The following CLCN7 variants were observed in gnomAD, a reference collection of about 807,000 sequenced individuals.
The protein encoded by CLCN7 is Cl-/H+ antiporter 7, also known as H(+)/Cl(-) exchange transporter 7.
A neutral mutation model predicts 102.1 loss-of-function variants in CLCN7; 60 were observed. The ratio of observed to expected loss-of-function variants is 0.59; its 90% CI spans 0.48 to 0.73. CLCN7 has a LOEUF of 0.73. Ranked by LOEUF, CLCN7 falls within the 30% of genes least tolerant of loss-of-function variation. CLCN7 has a pLI of 0.00. For synonymous variants in CLCN7, 560 were observed against 490.5 expected, an observed-to-expected ratio of 1.14 and a Z score of -1.87; for missense variants, 962 against 1,125.7, an observed-to-expected ratio of 0.85 and a Z score of 2.08.
At chr16:1,461,570 G>C in intron 3 of CLCN7, 33 bp downstream of exon 3, 1 of 1,612,088 alleles carries the variant, frequency 6.2e-7, no homozygotes. Context: ...CAGAGGCCGG[G>C]TCTCAGGGTC....
In CLCN7 at chr16:1,455,126, C is replaced by A; in HGVS notation, c.1098+8G>T. The A allele has an allele frequency of 1.3e-6, 2 of 1,519,082 alleles. No homozygotes were observed. The highest frequency in any genetic ancestry group is 2.3e-5 in the East Asian group (1 of 44,398). The allele number at this position is 1,519,082 out of a possible 1,614,324, so 94.1% of individuals were successfully genotyped here. A position where few individuals can be genotyped will look rare whatever the true frequency, so the allele number is the denominator to read the frequency against. ...GAGGTGGGCGAGGTGGGCGATGGGG[C>A]AGGTTACCTCCGAGTCAAACCTTCC... On this transcript the variant is annotated splice_region_variant and intron_variant, in intron 12 of 24. Transcript: ENST00000382745.
chr16:1,459,553 G>A (rs2038899470), intron 6 of CLCN7: 1 of 187,776 alleles, frequency 5.3e-6, no homozygotes, highest in Non-Finnish European at 1.0e-5. Context: ...CCCCAGGGAA[G>A]GGGAGAGCAG....
chr16:1,473,474 A>G (rs377197424), intron 1 of CLCN7, among the ~76,000 whole-genome samples: 2 of 126,094 alleles, frequency 1.6e-5, no homozygotes, highest in Non-Finnish European at 3.6e-5. Flanking sequence ...CCCGGGTTCA[A>G]TTGATTCTCC....
In CLCN7 at chr16:1,459,071, G is replaced by A. The variant is rs529263208; in HGVS notation, c.675+36C>T. The A allele has an allele frequency of 6.3e-5, 98 of 1,560,192 alleles. 1 individual carries two copies. The highest frequency in any genetic ancestry group is 5.2e-4 in the South Asian group (46 of 88,268). On this transcript the variant is annotated intron_variant, in intron 7 of 24. Coordinates refer to ENST00000382745, the MANE Select transcript of CLCN7 (RefSeq NM_001287.6). ...GCTCCTGAACCAGCAAAGAGCGGGC[G>A]CCCACCCTGCCCAGCCAGGGCCACC...
chr16:1,452,600 G>A, intron 15 of CLCN7, 155 bp downstream of exon 15: 1 of 769,604 alleles, frequency 1.3e-6, no homozygotes, highest in Admixed American at 2.7e-5. Context: ...TGAGATCTGG[G>A]TGGACAGGAC....
intron 1 of CLCN7, chr16:1,471,832 G>A (rs1451678193): frequency 6.6e-6 from 1 of 152,328 alleles, no homozygotes; most frequent in Non-Finnish European, 1.5e-5. Flanking sequence ...TGCAGGGGAA[G>A]GCTGGGGCCC....
rs751274789 is a variant in CLCN7, at chr16:1,460,502, G to A, written c.510C>T (p.Gly170=). The change falls in exon 6 of 25, where the codon GGC becomes GGT. Residue 170 remains glycine, a synonymous_variant. Coordinates refer to ENST00000382745, the MANE Select transcript of CLCN7 (RefSeq NM_001287.6). ...KGNIDKFTEK[G]GLSFSLLLWA... The stretch of plus-strand genomic sequence containing the variant: ...ACAGCAACAGGGAGAAGGACAGTCC[G>A]CCCTTCTCTGTGAACTTGTCGATAT... 3.8e-5 allele frequency: 62 copies of A among 1,613,338 alleles called. No homozygotes were observed. The highest frequency in any genetic ancestry group is 5.0e-5 in the Non-Finnish European group (59 of 1,179,808).
At position 1,465,310 on chromosome 16, in the gene CLCN7, C is replaced by A. The variant is rs2038990113; in HGVS notation, c.170G>T (p.Gly57Val). 4 of 1,613,860 alleles carry A rather than the reference C, an allele frequency of 2.5e-6. No individual in the cohort carries two copies. Among genetic ancestry groups the A allele is most frequent in the South Asian group, 1.1e-5 (1 of 91,022 alleles). ...ATCCAGCTCCACGCTGCTCATATGT[C>A]CGACTCGGAAAAGCGCAGAACGTGG... is the stretch of plus-strand genomic sequence containing the variant. ...QSPRSALFRV[G>V]HMSSVELDDE... is the part of the protein sequence containing the mutation. Residue 57 changes from glycine (G) to valine (V), a missense_variant, in exon 2 of 25, where the codon GGA becomes GTA. Gly to Val is a moderately radical substitution (Grantham distance 109). This residue lies in a region of CLCN7 where 163 missense variants were observed against 137.7 expected (regional missense o/e 1.18). Coordinates refer to ENST00000382745, the MANE Select transcript of CLCN7 (RefSeq NM_001287.6).
At chr16:1,451,794 G>C (rs1358196386) in intron 15 of CLCN7, 78 bp from the exon 16 acceptor site, 2 of 1,168,706 alleles carry the variant, frequency 1.7e-6, no homozygotes, top group African/African-American at 1.5e-5. Context: ...GTGTCGCCGT[G>C]AGAGGCCGTG....
chr16:1,456,451 C>T (rs916637219), intron 9 of CLCN7, among the ~76,000 whole-genome samples: 11 of 152,218 alleles, frequency 7.2e-5, no homozygotes, highest in South Asian at 2.1e-4. Flanking sequence ...TTCCAGCGCA[C>T]GCAAGATTCC....
intron 11 of CLCN7, chr16:1,455,461 G>A (rs555704552): frequency 1.4e-5 from 9 of 648,506 alleles, no homozygotes; most frequent in Non-Finnish European, 1.9e-5. Context: ...CCAGTGGAGA[G>A]CAAGAGGGGA....
chr16:1,469,438 C>G (rs552633721), intron 1 of CLCN7, among the ~76,000 whole-genome samples: 2 of 152,232 alleles, frequency 1.3e-5, no homozygotes, highest in South Asian at 4.1e-4. Context: ...GTCATCCCAG[C>G]ACTTTGGGAG....
At chr16:1,447,598 C>T in intron 22 of CLCN7, 30 bp from the exon 23 acceptor site, 1 of 1,552,334 alleles carries the variant, frequency 6.4e-7, no homozygotes. Context: ...GTGTCAGGCA[C>T]CCAGGCAGCA....
intron 20 of CLCN7, 70 bp from the exon 21 acceptor site, chr16:1,448,554 G>GT (rs1409726370): frequency 6.2e-7 from 1 of 1,602,010 alleles, no homozygotes; most frequent in Non-Finnish European, 8.5e-7. Flanking sequence ...CTGCGGGCTG[G>GT]TGAGGTGTGA....
In CLCN7 at chr16:1,450,888, G is replaced by A. The variant is rs1209737619; in HGVS notation, c.1448-222C>T. Among the ~76,000 whole-genome samples the A allele has an allele frequency of 4.8e-5, 6 of 125,052 alleles. 1 individual carries two copies. The highest frequency in any genetic ancestry group is 7.9e-3 in the Middle Eastern group (2 of 252). 82.0% of individuals were successfully genotyped at this position (125,052 alleles called of 152,430 possible). A position where few individuals can be genotyped will look rare whatever the true frequency, so the allele number is the denominator to read the frequency against. The stretch of plus-strand genomic sequence containing the variant: ...GAGGCCACAGGGGAAGAGGCTCTGC[G>A]GGGCCCTGATGCCAGCAGAAGCAGG... On this transcript the variant is annotated intron_variant, in intron 16 of 24. Coordinates refer to ENST00000382745, the MANE Select transcript of CLCN7 (RefSeq NM_001287.6).
intron 17 of CLCN7, 164 bp from the exon 18 acceptor site, chr16:1,449,491 C>T (rs1300119634): frequency 4.6e-6 from 3 of 654,508 alleles, no homozygotes; most frequent in African/African-American, 3.6e-5. Flanking sequence ...GTACACCCTG[C>T]TGCGGAGGCT....
Position 1,460,400 on chromosome 16 carries a change from C to G in CLCN7, c.594+18G>C, listed in dbSNP as rs749696607. 2 of 1,579,230 alleles carry G rather than the reference C, an allele frequency of 1.3e-6. No homozygotes were observed. The highest frequency in any genetic ancestry group is 1.7e-6 in the Non-Finnish European group (2 of 1,149,282). ...TCCTTCATGGGGTCCGCCATAGCTGCGGCATCCTGCCACCCACCTCTATGA... is the reference window on the plus strand; with the variant it reads ...TCCTTCATGGGGTCCGCCATAGCTGGGGCATCCTGCCACCCACCTCTATGA... On this transcript the variant is annotated intron_variant, in intron 6 of 24. Coordinates refer to ENST00000382745, the MANE Select transcript of CLCN7 (RefSeq NM_001287.6).
intron 10 of CLCN7, 47 bp from the exon 11 acceptor site, chr16:1,455,842 C>G: frequency 2.5e-6 from 4 of 1,594,172 alleles, no homozygotes; most frequent in Non-Finnish European, 3.4e-6. Context: ...CACAGGGCAC[C>G]ATGCCCACCA....
chr16:1,450,562 G>C lies in CLCN7; in HGVS notation c.1552C>G (p.Leu518Val). 1 of 1,612,146 alleles carries C rather than the reference G, an allele frequency of 6.2e-7. No individual in the cohort carries two copies. The highest frequency in any genetic ancestry group is 8.5e-7 in the Non-Finnish European group (1 of 1,179,668). Reference sequence around the variant, plus strand: ...CGGCCCCAGGCAGCCCCGATGAGCAGGGACGGGATGAAGACCCCGGCAGAC... The same window carrying C: ...CGGCCCCAGGCAGCCCCGATGAGCACGGACGGGATGAAGACCCCGGCAGAC... ...TVSAGVFIPSLLIGAAWGRLF... is the reference protein window; with the variant it reads ...TVSAGVFIPSVLIGAAWGRLF... Residue 518 changes from leucine to valine, a missense_variant, in exon 17 of 25, where the codon CTG (leucine) becomes GTG (valine). Transcript: ENST00000382745.
Sources: gnomAD v4.1 joint callset for allele counts (sites outside exome capture counted in the v4.1 genomes callset) on GRCh38, gnomAD v4.1.1 for gene constraint, gnomAD v4.1.1 regional missense constraint, MANE v1.5 for transcripts, NCBI Gene and HGNC (gene_info 2026-07-23, HGNC 2026-07-21) for gene names.